The following NPHP3 variants were observed in gnomAD, a reference collection of about 807,000 sequenced individuals.
The protein encoded by NPHP3 is nephrocystin 3, also known as nephrocystin-3.
A neutral mutation model predicts 171.9 loss-of-function variants in NPHP3; 123 were observed. The ratio of observed to expected loss-of-function variants is 0.72; its 90% CI spans 0.62 to 0.83. The LOEUF (loss-of-function observed/expected upper bound fraction) is 0.83, where lower values mean the gene tolerates loss of function less well. Ranked by LOEUF, NPHP3 falls within the 40% of genes least tolerant of loss-of-function variation. The probability of loss-of-function intolerance (pLI) is 0.00; values close to 1 mark genes in which losing one functional copy is unlikely to be tolerated. For synonymous variants in NPHP3, 558 were observed against 579.2 expected, an observed-to-expected ratio of 0.96 and a Z score of 0.52; for missense variants, 1,506 against 1,591.9, an observed-to-expected ratio of 0.95 and a Z score of 0.92.
At chr3:132,706,626 T>C (rs1939762876) in intron 7 of NPHP3, among the ~76,000 whole-genome samples, 1 of 152,120 alleles carries the variant, frequency 6.6e-6, no homozygotes, top group East Asian at 1.9e-4. Flanking sequence ...TTGATACAAT[T>C]AGAATAAGGC....
intron 22 of NPHP3, 103 bp downstream of exon 22, chr3:132,687,045 TAGA>T (rs1939180790): frequency 1.4e-5 from 9 of 638,108 alleles, no homozygotes; most frequent in East Asian, 2.8e-5. Context: ...TCTAAAAAAC[TAGA>T]AGATTTTAAA....
At position 132,684,643 on chromosome 3, in the gene NPHP3, C is replaced by G. The variant is rs775001679; in HGVS notation, c.3481G>C (p.Ala1161Pro). 2.5e-6 allele frequency: 4 copies of G among 1,614,070 alleles called. No homozygotes were observed. The highest frequency in any genetic ancestry group is 2.2e-5 in the South Asian group (2 of 91,082). Residue 1161 changes from alanine (A) to proline (P), a missense_variant, in exon 24 of 27, where the codon GCT (alanine) becomes CCT (proline). Physicochemically the swap from Ala to Pro is conservative, Grantham distance 27. This residue lies in a region of NPHP3 where 569 missense variants were observed against 648.1 expected (regional missense o/e 0.88). Transcript: ENST00000337331. ...AATGCACGTCTCCGAATATCTAAAG[C>G]TCTTTCATAAAGTTCTTCTGCTTTA... ...YDKAEELYER[A>P]LDIRRRALAP... is the part of the protein sequence containing the mutation.
intron 6 of NPHP3, among the ~76,000 whole-genome samples, chr3:132,711,735 AATAAG>A (rs1301169249): frequency 6.6e-6 from 1 of 152,214 alleles, no homozygotes; most frequent in African/African-American, 2.4e-5. Flanking sequence ...ATCATTAAGT[AATAAG>A]ATAAGATATA....
intron 3 of NPHP3, 150 bp downstream of exon 3, chr3:132,718,844 C>G: frequency 1.3e-6 from 1 of 761,526 alleles, no homozygotes; most frequent in Non-Finnish European, 2.2e-6. Context: ...TAGCAGCTGA[C>G]AGAGAGAACA....
rs182693133 is a variant in NPHP3, at chr3:132,684,948, C to T, written c.3330-154G>A. ...AAAATCTTACTTTCCCCCTCTTCCC[C>T]ACCCCTATCTCTTCCTGCCCTTTTC... On this transcript the variant is annotated intron_variant, in intron 23 of 26. Transcript: ENST00000337331. The T allele has an allele frequency of 8.0e-5, 68 of 848,470 alleles. No homozygotes were observed. In the East Asian group the frequency reaches 1.9e-3, roughly 23 times the overall value. The allele number at this position is 848,470 out of a possible 1,614,324, so 52.6% of individuals were successfully genotyped here. A position where few individuals can be genotyped will look rare whatever the true frequency, so the allele number is the denominator to read the frequency against.
chr3:132,688,736 T>G lies in NPHP3; in HGVS notation c.3039A>C (p.Glu1013Asp), dbSNP rs941727035. 3 of 1,614,034 alleles carry G rather than the reference T, an allele frequency of 1.9e-6. No homozygotes were observed. The African/African-American group carries it at 4.0e-5, about 22-fold the overall frequency. The change falls in exon 21 of 27, where the codon GAA becomes GAC. Residue 1013 changes from glutamate to aspartate, a missense_variant. Around this residue, in one of 3 missense-constraint regions of NPHP3, gnomAD observed 569 missense variants for 648.1 expected, o/e 0.88. Transcript: ENST00000337331. ...CCGCACCATAAGCATTTTCTGAGAT[T>G]TCCAACGCCTGTTTATACAGTTGTT... ...NAEQLYKQAL[E>D]ISENAYGADH...
At chr3:132,718,010 T>TCC in intron 3 of NPHP3, 1 of 435,228 alleles carries the variant, frequency 2.3e-6, no homozygotes, top group Non-Finnish European at 4.5e-6. Flanking sequence ...CGCCTTGGCC[T>TCC]CCCAAAGTGC....
At position 132,686,294 on chromosome 3, in the gene NPHP3, G is replaced by A; in HGVS notation, c.3295C>T (p.Leu1099=). The A allele has an allele frequency of 6.2e-7, 1 of 1,613,782 alleles. No homozygotes were observed. Among genetic ancestry groups the A allele is most frequent in the Non-Finnish European group, 8.5e-7 (1 of 1,179,716 alleles). ...TPDNARTLNE[L]GVLYYLQNNL... Reference sequence around the variant, plus strand: ...TTTTGAAGATAGTAGAGAACACCCAGTTCATTGAGGGTCCGAGCATTATCA... The same window carrying A: ...TTTTGAAGATAGTAGAGAACACCCAATTCATTGAGGGTCCGAGCATTATCA... Residue 1099 remains leucine, a synonymous_variant, in exon 23 of 27, where the codon CTG becomes TTG. Coordinates refer to ENST00000337331, the MANE Select transcript of NPHP3 (RefSeq NM_153240.5).
intron 6 of NPHP3, among the ~76,000 whole-genome samples, chr3:132,708,974 T>G (rs1302689554): frequency 1.3e-5 from 2 of 152,112 alleles, no homozygotes; most frequent in African/African-American, 4.8e-5. Context: ...GAAGGAGAGG[T>G]GCTTCTCTGT....
intron 4 of NPHP3, 46 bp downstream of exon 4, chr3:132,716,711 A>T: frequency 1.9e-6 from 3 of 1,589,774 alleles, no homozygotes; most frequent in Non-Finnish European, 2.6e-6. Context: ...TAAAACATGA[A>T]CAGTCACTAC....
At chr3:132,688,033 C>G (rs1369358415) in intron 21 of NPHP3, among the ~76,000 whole-genome samples, 2 of 152,130 alleles carry the variant, frequency 1.3e-5, no homozygotes, top group Non-Finnish European at 2.9e-5. Context: ...TTGCTGGCCC[C>G]ATAAAGGTTG....
At position 132,699,385 on chromosome 3, in the gene NPHP3, A is replaced by G; in HGVS notation, c.1953T>C (p.Ser651=). 1.2e-6 allele frequency: 2 copies of G among 1,612,902 alleles called. No homozygotes were observed. The highest frequency in any genetic ancestry group is 1.7e-6 in the Non-Finnish European group (2 of 1,179,662). ...PLPVNVRVIV[S]VNVETCPPAW... ...CTGGAGGGCATGTTTCTACATTCACAGAAACAATTACTCTTACATTCACTG... is the reference window on the plus strand; with the variant it reads ...CTGGAGGGCATGTTTCTACATTCACGGAAACAATTACTCTTACATTCACTG... Residue 651 remains serine, a synonymous_variant, in exon 13 of 27, where the codon TCT becomes TCC. Transcript: ENST00000337331.
chr3:132,685,150 TTTTA>T, intron 23 of NPHP3: 1 of 246,828 alleles, frequency 4.1e-6, no homozygotes, highest in Middle Eastern at 1.5e-3. Flanking sequence ...ACTAAATAAT[TTTTA>T]TTTCTTTATT....
Position 132,705,801 on chromosome 3 carries a change from G to T in NPHP3, c.1289C>A (p.Ser430Ter). Residue 430 changes from serine to a stop codon, truncating the protein, a stop_gained, in exon 8 of 27, where the codon TCA becomes TAA. Coordinates refer to ENST00000337331, the MANE Select transcript of NPHP3 (RefSeq NM_153240.5). LOFTEE classifies it high-confidence loss of function. ...ATATACTCCTTCTGCAGGATCTCCT[G>T]AGTGATCAATGATCTAGATAAAAAT... The part of the protein sequence containing the change: ...KTSKAKIIDH[S>*]GDPAEGVYKT... 6.6e-7 allele frequency: 1 copy of T among 1,506,466 alleles called. No homozygotes were observed. Among genetic ancestry groups the T allele is most frequent in the Non-Finnish European group, 9.2e-7 (1 of 1,084,032 alleles). 93.3% of individuals were successfully genotyped at this position (1,506,466 alleles called of 1,614,324 possible).
Position 132,719,072 on chromosome 3 carries a change from G to C in NPHP3, c.592C>G (p.Gln198Glu). The change falls in exon 3 of 27, where the codon CAG becomes GAG. Residue 198 changes from glutamine to glutamate, a missense_variant. Physicochemically the swap from Gln to Glu is conservative, Grantham distance 29. Around this residue, in one of 3 missense-constraint regions of NPHP3, gnomAD observed 930 missense variants for 924.9 expected, o/e 1.01. Transcript: ENST00000337331. The part of the protein sequence containing the change: ...RAKRELESKL[Q>E]RLQAQGIQVF... Reference sequence around the variant, plus strand: ...TGGATACCCTGAGCCTGTAGCCTCTGAAGTTTGCTCTCCAACTCCCTCTTG... The same window carrying C: ...TGGATACCCTGAGCCTGTAGCCTCTCAAGTTTGCTCTCCAACTCCCTCTTG... 1.2e-6 allele frequency: 2 copies of C among 1,614,022 alleles called. No individual in the cohort carries two copies. Among genetic ancestry groups the C allele is most frequent in the African/African-American group, 1.3e-5 (1 of 75,036 alleles).
intron 9 of NPHP3, 51 bp downstream of exon 9, chr3:132,704,147 A>T: frequency 1.3e-6 from 2 of 1,502,818 alleles, no homozygotes; most frequent in Non-Finnish European, 1.9e-6. Flanking sequence ...ATCATAATAC[A>T]GCCTTTAAGT....
chr3:132,682,600 C>T (rs896939714), intron 26 of NPHP3, 103 bp downstream of exon 26: 2 of 751,042 alleles, frequency 2.7e-6, no homozygotes, highest in African/African-American at 3.5e-5. Context: ...AACCCCTCCC[C>T]ACTCTAAGAA....
At position 132,680,724 on chromosome 3, in the gene NPHP3, T is replaced by C. The variant is rs191849490; in HGVS notation, c.*1186A>G. The C allele has an allele frequency of 6.6e-6, 1 of 152,176 alleles. No individual in the cohort carries two copies. Among genetic ancestry groups the C allele is most frequent in the East Asian group, 1.9e-4 (1 of 5,194 alleles). The allele number at this position is 152,176 out of a possible 1,614,324, so 9.4% of individuals were successfully genotyped here. On this transcript the variant is annotated 3_prime_UTR_variant, in exon 27 of 27. Transcript: ENST00000337331. ...GTATTAAATTGATGATTTTATTATA[T>C]ATAAATACACAAATGGTCCAAAACA... is the stretch of plus-strand genomic sequence containing the variant.
rs1318822729 is a variant in NPHP3 at position 132,699,956 on chromosome 3, T to C, written c.1849A>G (p.Ser617Gly). ...LEKLSARHQG[S>G]IIIVIDSIDQ... ...ATAGAATCAATAACGATGATGATGC[T>C]GCCTTGATGACGAGCAGAGAGTTTT... The change falls in exon 12 of 27, where the codon AGC becomes GGC. Residue 617 changes from serine to glycine, a missense_variant. By Grantham distance (56) the Ser-to-Gly change is moderately conservative. Coordinates refer to ENST00000337331, the MANE Select transcript of NPHP3 (RefSeq NM_153240.5). The C allele has an allele frequency of 3.1e-6, 5 of 1,614,190 alleles. No individual in the cohort carries two copies. Among genetic ancestry groups the C allele is most frequent in the South Asian group, 1.1e-5 (1 of 91,084 alleles).
Sources: gnomAD v4.1 joint callset for allele counts (sites outside exome capture counted in the v4.1 genomes callset) on GRCh38, gnomAD v4.1.1 for gene constraint, gnomAD v4.1.1 regional missense constraint, MANE v1.5 for transcripts, NCBI Gene and HGNC (gene_info 2026-07-23, HGNC 2026-07-21) for gene names.